PHF2: variants seen among roughly 807,000 people sequenced by gnomAD.
PHF2 encodes lysine-specific demethylase PHF2.
PHF2 carries 27 observed loss-of-function variants against 120.5 expected under a neutral mutation model. The observed-to-expected ratio is 0.22, with a 90% CI of 0.17 to 0.31. The LOEUF is 0.31. Among genes scored for constraint, PHF2 ranks in the 10% least tolerant of loss-of-function variants. PHF2 has a pLI of 1.00. For missense variants in PHF2, 1,024 were observed against 1,434.8 expected (o/e 0.71, Z 4.63); for synonymous variants, 568 against 592.5 (o/e 0.96, Z 0.60).
intron 5 of PHF2, among the ~76,000 whole-genome samples, chr9:93,651,291 A>C (rs1023426706): frequency 6.6e-6 from 1 of 152,044 alleles, no homozygotes; most frequent in Non-Finnish European, 1.5e-5. Flanking sequence ...GTTCTCACAG[A>C]GAGATGTCTA....
chr9:93,644,577 G>A (rs1036896412), intron 3 of PHF2, among the ~76,000 whole-genome samples: 1 of 152,072 alleles, frequency 6.6e-6, no homozygotes, highest in African/African-American at 2.4e-5. Flanking sequence ...CTGTCTTGCA[G>A]GGTGCTCTTT....
Position 93,605,341 on chromosome 9 carries a change from C to T in PHF2, c.99-24629C>T, listed in dbSNP as rs563274941. Among the ~76,000 whole-genome samples, 5 of 152,296 alleles carry T rather than the reference C, an allele frequency of 3.3e-5. No homozygotes were observed. The South Asian group carries it at 1.0e-3, about 32-fold the overall frequency. On this transcript the variant is annotated intron_variant, in intron 1 of 21. Transcript: ENST00000359246. ...CAAGCAGTCCTCCCACCTCAGTCTC[C>T]CAAAGTGCTGGGATTACAGGCGTGA...
intron 1 of PHF2, among the ~76,000 whole-genome samples, chr9:93,590,886 G>A (rs1354141489): frequency 1.3e-5 from 2 of 152,212 alleles, no homozygotes. Context: ...GAGCAGCACT[G>A]CTGAGATTTG....
intron 1 of PHF2, among the ~76,000 whole-genome samples, chr9:93,577,457 G>A (rs962243945): frequency 6.6e-6 from 1 of 152,072 alleles, no homozygotes; most frequent in Non-Finnish European, 1.5e-5. Flanking sequence ...CGTGGCCGGC[G>A]AGCTCCCTTG....
At chr9:93,652,796 C>T (rs535382553) in intron 5 of PHF2, among the ~76,000 whole-genome samples, 2 of 152,216 alleles carry the variant, frequency 1.3e-5, no homozygotes, top group African/African-American at 4.8e-5. Context: ...CCAGAGGTGC[C>T]GGGCTGAGTG....
rs1587718309 is a variant in PHF2 at position 93,667,303 on chromosome 9, G to A, written c.2348+63G>A. Reference sequence around the variant, plus strand: ...CCAGGCAGGCCCAGGGCTGGCCCTCGGCCATGATGGTGGGAGCCTGCGAGG... The same window carrying A: ...CCAGGCAGGCCCAGGGCTGGCCCTCAGCCATGATGGTGGGAGCCTGCGAGG... On this transcript the variant is annotated intron_variant, in intron 17 of 21. Transcript: ENST00000359246. 6 of 1,549,264 alleles carry A rather than the reference G, an allele frequency of 3.9e-6. No homozygotes were observed. In the Admixed American group the frequency reaches 6.0e-5, roughly 16 times the overall value.
intron 3 of PHF2, among the ~76,000 whole-genome samples, chr9:93,639,072 C>T (rs528696336): frequency 6.6e-6 from 1 of 152,092 alleles, no homozygotes; most frequent in South Asian, 2.1e-4. Flanking sequence ...CCTTGTATGT[C>T]ATTTGAATTT....
rs369820631 is a variant in PHF2 at position 93,660,465 on chromosome 9, C to T, written c.1603C>T (p.Arg535Trp). The T allele has an allele frequency of 2.2e-5, 35 of 1,591,804 alleles. No homozygotes were observed. The highest frequency in any genetic ancestry group is 1.7e-4 in the Middle Eastern group (1 of 5,858). Residue 535 changes from arginine (R) to tryptophan (W), a missense_variant, in exon 12 of 22, where the codon CGG becomes TGG. Arg to Trp is a moderately radical substitution (Grantham distance 101, BLOSUM62 -3). Around this residue, in one of 2 missense-constraint regions of PHF2, gnomAD observed 677 missense variants for 857.4 expected, o/e 0.79. Transcript: ENST00000359246. ...DGGKKKGKKS[R>W]ESASPTIPNL... ...AGGCAAGAAGAAAGGGAAGAAGTCC[C>T]GGGAGTCAGCCTCACCCACCATCCC...
At chr9:93,601,556 G>A (rs561590869) in intron 1 of PHF2, among the ~76,000 whole-genome samples, 14 of 152,172 alleles carry the variant, frequency 9.2e-5, no homozygotes, top group African/African-American at 2.9e-4. Context: ...TTTTGGGAGG[G>A]CTCTGTGTGG....
chr9:93,609,898 C>T (rs1447011922), intron 1 of PHF2, among the ~76,000 whole-genome samples: 2 of 152,028 alleles, frequency 1.3e-5, no homozygotes, highest in Non-Finnish European at 2.9e-5. Flanking sequence ...GGTTTCACCA[C>T]GTTGGCGAGG....
At chr9:93,589,723 A>C (rs1863133303) in intron 1 of PHF2, among the ~76,000 whole-genome samples, 2 of 152,240 alleles carry the variant, frequency 1.3e-5, no homozygotes, top group Non-Finnish European at 2.9e-5. Context: ...AATTTTAAAA[A>C]GAGTGAGAAT....
At chr9:93,620,203 T>G (rs1825802926) in intron 1 of PHF2, among the ~76,000 whole-genome samples, 1 of 152,150 alleles carries the variant, frequency 6.6e-6, no homozygotes, top group Admixed American at 6.5e-5. Flanking sequence ...CCAGCTCCTG[T>G]TCCCAGGAGG....
chr9:93,584,181 G>C (rs974418951), intron 1 of PHF2, among the ~76,000 whole-genome samples: 1 of 152,122 alleles, frequency 6.6e-6, no homozygotes, highest in African/African-American at 2.4e-5. Flanking sequence ...TTTCCATTTT[G>C]TGGGTTGTCA....
At chr9:93,634,143 T>A (rs1286640713) in intron 2 of PHF2, among the ~76,000 whole-genome samples, 1 of 152,030 alleles carries the variant, frequency 6.6e-6, no homozygotes, top group African/African-American at 2.4e-5. Context: ...GGCTCCCCCA[T>A]GGAGTAGATA....
chr9:93,663,967 C>T (rs544799173), intron 14 of PHF2, among the ~76,000 whole-genome samples: 34 of 152,370 alleles, frequency 2.2e-4, no homozygotes, highest in African/African-American at 7.9e-4. Context: ...TCCCACCACG[C>T]TCCACCTGTA....
chr9:93,633,353 G>C (rs749614058), intron 2 of PHF2, among the ~76,000 whole-genome samples: 1 of 152,216 alleles, frequency 6.6e-6, no homozygotes, highest in Admixed American at 6.5e-5. Context: ...CCAGGAACTC[G>C]GGAAGGCATC....
At chr9:93,631,796 C>A (rs376936102) in intron 2 of PHF2, among the ~76,000 whole-genome samples, 1 of 85,716 alleles carries the variant, frequency 1.2e-5, no homozygotes, top group African/African-American at 4.8e-5. Context: ...TCAGGTCCTA[C>A]CTGAGTTGGG....
At chr9:93,592,317 A>C (rs906779033) in intron 1 of PHF2, among the ~76,000 whole-genome samples, 1 of 152,150 alleles carries the variant, frequency 6.6e-6, no homozygotes, top group African/African-American at 2.4e-5. Context: ...TCCCAGGCAG[A>C]CACAACACTC....
chr9:93,671,311 G>A (rs1826785386), intron 17 of PHF2: 1 of 628,682 alleles, frequency 1.6e-6, no homozygotes, highest in Non-Finnish European at 2.0e-6. Context: ...TGTGGGAGTA[G>A]GGTCAGGTGT....
Sources: allele counts gnomAD v4.1 joint callset (sites outside exome capture counted in the v4.1 genomes callset), GRCh38; gene constraint gnomAD v4.1.1; regional missense constraint gnomAD v4.1.1; transcripts MANE v1.5; gene names NCBI Gene and HGNC (gene_info 2026-07-23, HGNC 2026-07-21).